The following PLCB1 variants were observed in gnomAD, a reference collection of about 807,000 sequenced individuals.
The protein encoded by PLCB1 is phospholipase C beta 1, also known as 1-phosphatidylinositol 4,5-bisphosphate phosphodiesterase beta-1.
In PLCB1, 46 loss-of-function variants were observed where a neutral mutation model predicts 161.8. The observed-to-expected ratio is 0.28, with a 90% confidence interval of 0.22 to 0.36. The LOEUF (loss-of-function observed/expected upper bound fraction) is 0.36. Ranked by LOEUF, PLCB1 falls within the 10% of genes least tolerant of loss-of-function variation. The pLI is 1.00. For missense variants in PLCB1, 1,016 were observed against 1,472.5 expected (o/e 0.69, Z 5.07); for synonymous variants, 517 against 503.7 (o/e 1.03, Z -0.35).
intron 3 of PLCB1, among the ~76,000 whole-genome samples, chr20:8,379,258 A>G (rs1374507753): frequency 6.6e-6 from 1 of 152,166 alleles, no homozygotes; most frequent in Non-Finnish European, 1.5e-5. Context: ...AACTTCATCC[A>G]TGTCCCTGCA....
At chr20:8,389,218 A>T (rs1434316480) in intron 3 of PLCB1, among the ~76,000 whole-genome samples, 1 of 152,244 alleles carries the variant, frequency 6.6e-6, no homozygotes. Flanking sequence ...TTAAATCTGC[A>T]TGTTTAGGCA....
intron 2 of PLCB1, among the ~76,000 whole-genome samples, chr20:8,289,593 C>T (rs1213010034): frequency 2.6e-5 from 4 of 152,174 alleles, no homozygotes; most frequent in Non-Finnish European, 5.9e-5. Flanking sequence ...TGAATCCAGG[C>T]AGCCTGAATC....
chr20:8,528,566 T>C (rs1984672565), intron 3 of PLCB1, among the ~76,000 whole-genome samples: 1 of 152,040 alleles, frequency 6.6e-6, no homozygotes, highest in Non-Finnish European at 1.5e-5. Flanking sequence ...ATGAAGATAC[T>C]CTATCTTCTT....
At chr20:8,608,196 C>T (rs1488321786) in intron 3 of PLCB1, among the ~76,000 whole-genome samples, 1 of 151,948 alleles carries the variant, frequency 6.6e-6, no homozygotes, top group African/African-American at 2.4e-5. Flanking sequence ...AAAATAAAAC[C>T]ATAAATACAT....
intron 2 of PLCB1, among the ~76,000 whole-genome samples, chr20:8,253,059 G>A (rs1981237028): frequency 6.6e-6 from 1 of 151,876 alleles, no homozygotes; most frequent in South Asian, 2.1e-4. Context: ...AATACTATGA[G>A]TGTTCTCATA....
At position 8,848,753 on chromosome 20, in the gene PLCB1, G is replaced by A. The variant is rs552719681; in HGVS notation, c.3424-32869G>A. 4.1e-4 allele frequency among the ~76,000 whole-genome samples: 63 copies of A among 152,348 alleles called. 1 individual carries two copies. Among genetic ancestry groups the A allele is most frequent in the Non-Finnish European group, 8.2e-4 (56 of 68,038 alleles). ...CTGTCTTGCCCACATCTGGAAGTCC[G>A]GGATGAGGACTGAGACTCTCTTTGT... On this transcript the variant is annotated intron_variant, in intron 31 of 31. Coordinates refer to ENST00000338037, the MANE Select transcript of PLCB1 (RefSeq NM_015192.4).
intron 3 of PLCB1, among the ~76,000 whole-genome samples, chr20:8,498,181 G>A (rs1045210329): frequency 5.9e-5 from 9 of 152,106 alleles, no homozygotes; most frequent in East Asian, 3.9e-4. Flanking sequence ...CACTGCAATC[G>A]CTGCCTCCCA....
chr20:8,682,821 G>T (rs551956299), intron 9 of PLCB1, among the ~76,000 whole-genome samples: 2 of 152,222 alleles, frequency 1.3e-5, no homozygotes, highest in South Asian at 4.1e-4. Flanking sequence ...AAAGAAAATT[G>T]GTTATGTGTA....
rs1988070161 is a variant in PLCB1 at position 8,883,550 on chromosome 20, A to G, written c.*1701A>G. 1 of 152,138 alleles carries G rather than the reference A, an allele frequency of 6.6e-6. No homozygotes were observed. The highest frequency in any genetic ancestry group is 1.5e-5 in the Non-Finnish European group (1 of 67,972). The allele number at this position is 152,138 out of a possible 1,614,324, so 9.4% of individuals were successfully genotyped here. On this transcript the variant is annotated 3_prime_UTR_variant, in exon 32 of 32. Transcript: ENST00000338037. The stretch of plus-strand genomic sequence containing the variant: ...CTTTGTGAAATATCTTAAAACGCAA[A>G]AACCAATTGTGTCCTGAAAATTGTT...
rs1016746982 is a variant in PLCB1, at chr20:8,520,932, A to G, written c.247-107362A>G. Among the ~76,000 whole-genome samples, 7 of 152,324 alleles carry G rather than the reference A, an allele frequency of 4.6e-5. No individual in the cohort carries two copies. In the South Asian group the frequency reaches 1.4e-3, roughly 32 times the overall value. ...GTTAACCTGAAAGTTTCTGATTATC[A>G]TGAAATGTCCCTAGGCAGGGACTAT... On this transcript the variant is annotated intron_variant, in intron 3 of 31. Transcript: ENST00000338037.
At chr20:8,568,481 C>T (rs1018072964) in intron 3 of PLCB1, among the ~76,000 whole-genome samples, 1 of 152,098 alleles carries the variant, frequency 6.6e-6, no homozygotes. Flanking sequence ...GAAGGAAAAA[C>T]AAAGTTCTGA....
rs1012195620 is a variant in PLCB1, at chr20:8,398,281, AAT to A, written c.246+26836_246+26837del. On this transcript the variant is annotated intron_variant, in intron 3 of 31. Transcript: ENST00000338037. ...TTATACACACATATATGTCTTAATAAATATATGTCATATGTTTTAATATGTCA... is the reference window on the plus strand; with the variant it reads ...TTATACACACATATATGTCTTAATAAATATGTCATATGTTTTAATATGTCA... 1.1e-3 allele frequency among the ~76,000 whole-genome samples: 173 copies of A among 152,252 alleles called. 1 individual carries two copies. Among genetic ancestry groups the A allele is most frequent in the African/African-American group, 3.7e-3 (153 of 41,514 alleles).
intron 31 of PLCB1, among the ~76,000 whole-genome samples, chr20:8,843,592 C>T (rs1283621345): frequency 1.3e-5 from 2 of 151,850 alleles, no homozygotes; most frequent in Non-Finnish European, 2.9e-5. Context: ...TAGACTAACA[C>T]ATGTGTTCAT....
chr20:8,712,911 T>C (rs995808466), intron 12 of PLCB1, among the ~76,000 whole-genome samples: 4 of 152,232 alleles, frequency 2.6e-5, no homozygotes, highest in Non-Finnish European at 5.9e-5. Flanking sequence ...GTAGCTGATA[T>C]TGATGCTCTA....
At chr20:8,749,955 A>AG (rs1568584218) in intron 23 of PLCB1, among the ~76,000 whole-genome samples, 7 of 19,048 alleles carry the variant, frequency 3.7e-4, no homozygotes, top group Non-Finnish European at 2.9e-4. Flanking sequence ...TTCATTCAAT[A>AG]TTTTTTTTTT....
chr20:8,704,424 C>T (rs1978549127), intron 11 of PLCB1, among the ~76,000 whole-genome samples: 1 of 151,902 alleles, frequency 6.6e-6, no homozygotes, highest in South Asian at 2.1e-4. Flanking sequence ...ATTTGCAGGA[C>T]TTTTGTAATG....
chr20:8,203,476 T>C (rs73895599), intron 2 of PLCB1, among the ~76,000 whole-genome samples: 3,866 of 152,210 alleles, frequency 0.025, 179 homozygotes, highest in African/African-American at 0.088. Flanking sequence ...GGAGCCTGCT[T>C]AACTATTTAG....
chr20:8,812,295 G>A (rs115936875), intron 31 of PLCB1, among the ~76,000 whole-genome samples: 4,017 of 152,208 alleles, frequency 0.026, 166 homozygotes, highest in African/African-American at 0.092. Context: ...TACCCTCCAG[G>A]CGAAAATCCG....
chr20:8,817,026 A>G (rs1568610885), intron 31 of PLCB1, among the ~76,000 whole-genome samples: 1 of 152,142 alleles, frequency 6.6e-6, no homozygotes, highest in Non-Finnish European at 1.5e-5. Context: ...GAGCCCTTCA[A>G]ACTTGATTGG....
Sources: allele counts gnomAD v4.1 joint callset (sites outside exome capture counted in the v4.1 genomes callset), GRCh38; gene constraint gnomAD v4.1.1; transcripts MANE v1.5; gene names NCBI Gene and HGNC (gene_info 2026-07-23, HGNC 2026-07-21).